DSCAM: variants seen among roughly 807,000 people sequenced by gnomAD.
The protein encoded by DSCAM is DS cell adhesion molecule.
Under a neutral mutation model 217.7 loss-of-function variants are expected in DSCAM, and 47 were observed. That is an observed-to-expected ratio of 0.22 (90% confidence interval 0.17 to 0.28). DSCAM has a LOEUF of 0.28. DSCAM is among the 10% of genes least tolerant of loss of function. The probability of loss-of-function intolerance (pLI) is 1.00; values close to 1 mark genes in which losing one functional copy is unlikely to be tolerated. For missense variants in DSCAM, 2,080 were observed against 2,618.3 expected (o/e 0.79, Z 4.49); for synonymous variants, 1,056 against 1,015.3 (o/e 1.04, Z -0.76).
intron 20 of DSCAM, among the ~76,000 whole-genome samples, chr21:40,096,647 A>T (rs1339966696): frequency 1.3e-5 from 2 of 152,116 alleles, no homozygotes; most frequent in Non-Finnish European, 2.9e-5. Context: ...TCCAAATTTG[A>T]TGAAAACTGT....
chr21:40,366,774 C>T (rs2074837189), intron 4 of DSCAM, among the ~76,000 whole-genome samples: 1 of 152,120 alleles, frequency 6.6e-6, no homozygotes, highest in Non-Finnish European at 1.5e-5. Context: ...TTGATATTAC[C>T]TTCAAGGACT....
In DSCAM at chr21:40,326,525, C is replaced by T. The variant is rs78960077; in HGVS notation, c.1783+11576G>A. Among the ~76,000 whole-genome samples, 84 of 152,284 alleles carry T rather than the reference C, an allele frequency of 5.5e-4. 1 individual carries two copies. The East Asian group carries it at 0.016, about 29-fold the overall frequency. ...CAGGAAGACAAAGCTTAGTCTTTTG[C>T]ACGACTGGGAGCTTTATGTGGAGAA... On this transcript the variant is annotated intron_variant, in intron 8 of 32. Transcript: ENST00000400454.
chr21:40,579,733 T>C (rs1318972971), intron 3 of DSCAM, among the ~76,000 whole-genome samples: 2 of 152,202 alleles, frequency 1.3e-5, no homozygotes, highest in Admixed American at 6.5e-5. Context: ...AATATAGGAT[T>C]CCATCTCCAT....
rs911577459 is a variant in DSCAM at position 40,692,896 on chromosome 21, G to A, written c.422C>T (p.Ala141Val). The A allele has an allele frequency of 1.2e-5, 20 of 1,613,944 alleles. No individual in the cohort carries two copies. The Middle Eastern group carries it at 6.6e-4, about 53-fold the overall frequency. ...EDQKTMRGNV[A>V]VFKCIIPSSV... ...GGAGGGGATAATGCACTTGAAGACCGCAACATTGCCTCTCATGGTTTTCTG... is the reference window on the plus strand; with the variant it reads ...GGAGGGGATAATGCACTTGAAGACCACAACATTGCCTCTCATGGTTTTCTG... Residue 141 changes from alanine (A) to valine (V), a missense_variant, in exon 3 of 33, where the codon GCG (alanine) becomes GTG (valine). Around this residue, in one of 5 missense-constraint regions of DSCAM, gnomAD observed 568 missense variants for 678.1 expected, o/e 0.84. Transcript: ENST00000400454.
chr21:40,284,185 T>G (rs1018825793), intron 10 of DSCAM, among the ~76,000 whole-genome samples: 4 of 152,158 alleles, frequency 2.6e-5, no homozygotes, highest in Admixed American at 2.0e-4. Context: ...AAATAAGGTT[T>G]AGTAGCTGAA....
chr21:40,583,020 A>G (rs1416521097), intron 3 of DSCAM, among the ~76,000 whole-genome samples: 1 of 152,234 alleles, frequency 6.6e-6, no homozygotes, highest in Non-Finnish European at 1.5e-5. Flanking sequence ...AAATTTTAGG[A>G]ATCAGTAAAA....
intron 20 of DSCAM, among the ~76,000 whole-genome samples, chr21:40,115,095 C>T (rs2089952036): frequency 1.3e-5 from 2 of 152,150 alleles, no homozygotes; most frequent in African/African-American, 4.8e-5. Flanking sequence ...AAACATGCTG[C>T]TATAAAGACA....
chr21:40,126,678 G>A (rs987473321), intron 19 of DSCAM, among the ~76,000 whole-genome samples: 9 of 152,168 alleles, frequency 5.9e-5, no homozygotes, highest in African/African-American at 2.2e-4. Flanking sequence ...CCTGGCCACT[G>A]CAAAGTTTGG....
At chr21:40,248,114 G>A (rs948301930) in intron 11 of DSCAM, among the ~76,000 whole-genome samples, 8 of 152,160 alleles carry the variant, frequency 5.3e-5, no homozygotes, top group Non-Finnish European at 1.2e-4. Context: ...CACAGCATGG[G>A]CACCCTGGTG....
chr21:40,582,873 G>T (rs1275557348), intron 3 of DSCAM, among the ~76,000 whole-genome samples: 5 of 152,084 alleles, frequency 3.3e-5, no homozygotes, highest in Non-Finnish European at 7.4e-5. Flanking sequence ...AACCTAGTGG[G>T]AACTGTCCTT....
intron 1 of DSCAM, among the ~76,000 whole-genome samples, chr21:40,812,480 A>C (rs1286167946): frequency 1.3e-5 from 2 of 152,168 alleles, no homozygotes; most frequent in Admixed American, 1.3e-4. Context: ...GGCTCCCAAG[A>C]CACCTAAATT....
intron 11 of DSCAM, among the ~76,000 whole-genome samples, chr21:40,235,279 T>C (rs2091416875): frequency 6.6e-6 from 1 of 152,236 alleles, no homozygotes; most frequent in Admixed American, 6.5e-5. Context: ...GTTAACCGTA[T>C]GGTCCAGAGT....
intron 3 of DSCAM, among the ~76,000 whole-genome samples, chr21:40,612,160 C>T (rs1223395729): frequency 2.6e-5 from 4 of 152,126 alleles, no homozygotes; most frequent in East Asian, 1.9e-4. Flanking sequence ...TGATCCAACA[C>T]GATTTTATAG....
chr21:40,680,941 C>T (rs1396098417), intron 3 of DSCAM, among the ~76,000 whole-genome samples: 4 of 152,196 alleles, frequency 2.6e-5, no homozygotes, highest in Admixed American at 2.6e-4. Flanking sequence ...TTCCCCCATA[C>T]ATGAGCCTTG....
intron 3 of DSCAM, among the ~76,000 whole-genome samples, chr21:40,498,536 G>A (rs1378595784): frequency 6.7e-6 from 1 of 149,642 alleles, no homozygotes; most frequent in Non-Finnish European, 1.5e-5. Context: ...GCATTGTTCA[G>A]GATTTATAAG....
chr21:40,331,967 C>A (rs775868463), intron 8 of DSCAM, among the ~76,000 whole-genome samples: 1 of 152,112 alleles, frequency 6.6e-6, no homozygotes, highest in African/African-American at 2.4e-5. Context: ...GATCCACAGG[C>A]ACTTAAGACC....
At chr21:40,014,420 AAACCC>A (rs2088120066) in intron 32 of DSCAM, among the ~76,000 whole-genome samples, 1 of 151,804 alleles carries the variant, frequency 6.6e-6, no homozygotes, top group Non-Finnish European at 1.5e-5. Context: ...AACAAACAAA[AAACCC>A]AAACCAAAAC....
chr21:40,800,713 T>TC (rs2091732300), intron 1 of DSCAM, among the ~76,000 whole-genome samples: 1 of 137,774 alleles, frequency 7.3e-6, no homozygotes, highest in African/African-American at 3.1e-5. Flanking sequence ...CTTTCTTACT[T>TC]TCTTTTTTTT....
intron 10 of DSCAM, among the ~76,000 whole-genome samples, chr21:40,286,173 A>G (rs2073821370): frequency 6.6e-6 from 1 of 152,140 alleles, no homozygotes; most frequent in South Asian, 2.1e-4. Context: ...GATCCACACT[A>G]AGAGGATTAA....
Sources: gnomAD v4.1 joint callset for allele counts (sites outside exome capture counted in the v4.1 genomes callset) on GRCh38, gnomAD v4.1.1 for gene constraint, gnomAD v4.1.1 regional missense constraint, MANE v1.5 for transcripts, NCBI Gene and HGNC (gene_info 2026-07-23, HGNC 2026-07-21) for gene names.